The following SGCD variants were observed in gnomAD, a reference collection of about 807,000 sequenced individuals.
The protein encoded by SGCD is sarcoglycan delta, also known as delta-sarcoglycan.
A neutral mutation model predicts 36.6 loss-of-function variants in SGCD; 18 were observed. The ratio of observed to expected loss-of-function variants is 0.49; its 90% confidence interval spans 0.34 to 0.73. The LOEUF (loss-of-function observed/expected upper bound fraction) is 0.73, where lower values mean the gene tolerates loss of function less well. Ranked by LOEUF, SGCD falls within the 30% of genes least tolerant of loss-of-function variation. The pLI is 0.01. For missense variants in SGCD, 387 were observed against 346.7 expected, an observed-to-expected ratio of 1.12 and a Z score of -0.92; for synonymous variants, 133 against 130.6, an observed-to-expected ratio of 1.02 and a Z score of -0.12.
chr5:156,552,959 A>C (rs576502800), intron 4 of SGCD, among the ~76,000 whole-genome samples: 1 of 152,300 alleles, frequency 6.6e-6, no homozygotes, highest in East Asian at 1.9e-4. Flanking sequence ...TTTATGAAGA[A>C]AAAAAGGCTT....
rs1412976206 is a variant in SGCD at position 156,683,586 on chromosome 5, C to A, written c.575+36050C>A. On this transcript the variant is annotated intron_variant, in intron 7 of 8. Coordinates refer to ENST00000337851, the MANE Select transcript of SGCD (RefSeq NM_000337.6). ...CACAGGTCCAAATGTCTTTATCAGA[C>A]AAAAACAAAAAACCTTCCTGGTAAG... Among the ~76,000 whole-genome samples, 3 of 152,160 alleles carry A rather than the reference C, an allele frequency of 2.0e-5. No homozygotes were observed. The East Asian group carries it at 5.8e-4, about 29-fold the overall frequency.
chr5:156,285,746 T>A (rs1262300501), intron 3 of SGCD, among the ~76,000 whole-genome samples: 1 of 152,088 alleles, frequency 6.6e-6, no homozygotes, highest in Non-Finnish European at 1.5e-5. Flanking sequence ...GGCAATACCA[T>A]TCAGGACATA....
intron 3 of SGCD, among the ~76,000 whole-genome samples, chr5:156,265,703 GGAT>G (rs1371553245): frequency 6.6e-6 from 1 of 151,564 alleles, no homozygotes; most frequent in Admixed American, 6.6e-5. Flanking sequence ...TTCTCAAAGA[GGAT>G]ATAGTGATCT....
intron 3 of SGCD, among the ~76,000 whole-genome samples, chr5:156,431,574 C>T (rs753128217): frequency 6.6e-6 from 1 of 152,166 alleles, no homozygotes; most frequent in South Asian, 2.1e-4. Flanking sequence ...AAGAAACCTC[C>T]CACTGGCAGA....
At chr5:156,624,622 T>G (rs1055974510) in intron 6 of SGCD, among the ~76,000 whole-genome samples, 3 of 152,128 alleles carry the variant, frequency 2.0e-5, no homozygotes, top group African/African-American at 7.2e-5. Context: ...CTCTTACTCT[T>G]GTGGTACAGC....
chr5:156,284,038 G>T (rs1258534887), intron 3 of SGCD, among the ~76,000 whole-genome samples: 1 of 152,088 alleles, frequency 6.6e-6, no homozygotes, highest in African/African-American at 2.4e-5. Context: ...TCAAGAAAGG[G>T]TATGAAATAC....
chr5:156,424,939 G>A (rs945456495), intron 3 of SGCD, among the ~76,000 whole-genome samples: 1 of 152,006 alleles, frequency 6.6e-6, no homozygotes, highest in Non-Finnish European at 1.5e-5. Flanking sequence ...GGCTGGCCAC[G>A]TAGGCAGCCT....
At chr5:155,832,164 G>C in the SGCD span, among the ~76,000 whole-genome samples, 4 of 152,198 alleles carry the variant, frequency 2.6e-5, no homozygotes, top group South Asian at 4.1e-4. Context: ...TTTGAGTTCC[G>C]CAAATGAAAG....
At chr5:156,712,262 C>T (rs1009473197) in intron 7 of SGCD, among the ~76,000 whole-genome samples, 4 of 152,150 alleles carry the variant, frequency 2.6e-5, no homozygotes, top group African/African-American at 7.2e-5. Context: ...TTAAATGCCT[C>T]AGACAGAGTC....
intron 3 of SGCD, among the ~76,000 whole-genome samples, chr5:156,252,119 T>C (rs2127661380): frequency 1.3e-5 from 2 of 151,628 alleles, no homozygotes; most frequent in East Asian, 3.9e-4. Context: ...CAGACTGGAG[T>C]GCAATGGCAT....
At chr5:156,710,710 C>T (rs541649662) in intron 7 of SGCD, among the ~76,000 whole-genome samples, 20 of 152,112 alleles carry the variant, frequency 1.3e-4, no homozygotes, top group African/African-American at 3.9e-4. Context: ...TAGAGTGTCT[C>T]GGTTTAGATA....
intron 3 of SGCD, among the ~76,000 whole-genome samples, chr5:156,267,604 C>T (rs903719264): frequency 6.6e-6 from 1 of 152,168 alleles, no homozygotes; most frequent in African/African-American, 2.4e-5. Context: ...TGTTCTGATG[C>T]CTTCTTCACT....
At chr5:156,232,551 G>A (rs1269819701) in intron 3 of SGCD, among the ~76,000 whole-genome samples, 1 of 152,116 alleles carries the variant, frequency 6.6e-6, no homozygotes, top group Non-Finnish European at 1.5e-5. Flanking sequence ...GAAACTAATG[G>A]TAATAACCTG....
intron 3 of SGCD, among the ~76,000 whole-genome samples, chr5:156,467,467 A>G (rs181040487): frequency 3.8e-4 from 58 of 152,312 alleles, no homozygotes; most frequent in African/African-American, 1.3e-3. Context: ...TTCTACCTCA[A>G]TGTTCCCAGA....
chr5:155,850,792 G>A, the SGCD span, among the ~76,000 whole-genome samples: 5 of 152,090 alleles, frequency 3.3e-5, no homozygotes, highest in African/African-American at 7.2e-5. Flanking sequence ...ACAGAGCTAT[G>A]TCAGGGACAT....
At chr5:156,298,184 G>C (rs1360940528) in intron 3 of SGCD, among the ~76,000 whole-genome samples, 1 of 152,020 alleles carries the variant, frequency 6.6e-6, no homozygotes, top group Admixed American at 6.6e-5. Flanking sequence ...TTCATCTGTT[G>C]ATGTACACTT....
upstream of SGCD, among the ~76,000 whole-genome samples, chr5:155,866,565 A>G (rs951328014): frequency 1.3e-5 from 2 of 152,152 alleles, no homozygotes; most frequent in Non-Finnish European, 2.9e-5. Flanking sequence ...GAATCTTAGC[A>G]ATTATCATTA....
intron 1 of SGCD, among the ~76,000 whole-genome samples, chr5:155,939,537 A>C (rs1757281459): frequency 6.6e-6 from 1 of 151,348 alleles, no homozygotes; most frequent in African/African-American, 2.4e-5. Flanking sequence ...CCAGCTACCC[A>C]GGAAGGCTGA....
At chr5:156,197,193 A>G (rs1423398325) in intron 3 of SGCD, among the ~76,000 whole-genome samples, 56 of 152,272 alleles carry the variant, frequency 3.7e-4, no homozygotes, top group Non-Finnish European at 1.5e-5. Flanking sequence ...AGTGCCATGG[A>G]GGGGTCAAAG....
Sources: allele counts gnomAD v4.1 joint callset (sites outside exome capture counted in the v4.1 genomes callset), GRCh38; gene constraint gnomAD v4.1.1; transcripts MANE v1.5; gene names NCBI Gene and HGNC (gene_info 2026-07-23, HGNC 2026-07-21).